Variants in KIAA1671 observed in about 807,000 individuals in gnomAD.
KIAA1671 encodes KIAA1671, also known as uncharacterized protein KIAA1671.
In KIAA1671, 52 loss-of-function variants were observed where a neutral mutation model predicts 131.2. The ratio of observed to expected loss-of-function variants is 0.40; its 90% CI spans 0.32 to 0.50. The LOEUF (loss-of-function observed/expected upper bound fraction) is 0.50. KIAA1671 is among the 20% of genes least tolerant of loss of function. The probability of loss-of-function intolerance (pLI) is 0.73; values close to 1 mark genes in which losing one functional copy is unlikely to be tolerated. For missense variants in KIAA1671, 2,360 were observed against 2,364.2 expected (o/e 1.00, Z 0.04); for synonymous variants, 1,003 against 961.6 (o/e 1.04, Z -0.80).
intron 5 of KIAA1671, among the ~76,000 whole-genome samples, chr22:25,046,403 C>CCTTCCTCTCTCCATCT (rs1927231510): frequency 9.9e-6 from 1 of 100,914 alleles, no homozygotes; most frequent in Non-Finnish European, 2.2e-5. Context: ...TAAAGTGATT[C>CCTTCCTCTCTCCATCT]CTTCCTCTCT....
intron 8 of KIAA1671, chr22:25,176,644 G>A (rs898206258): frequency 1.3e-5 from 2 of 152,348 alleles, no homozygotes; most frequent in Admixed American, 1.3e-4. Flanking sequence ...CCCCAGCTCT[G>A]AGCACTTCAC....
intron 6 of KIAA1671, among the ~76,000 whole-genome samples, chr22:25,091,631 C>T (rs568870188): frequency 1.1e-4 from 16 of 152,310 alleles, no homozygotes; most frequent in Admixed American, 8.5e-4. Flanking sequence ...GGCGGAACTG[C>T]GCTTGAAGAT....
chr22:25,007,016 T>C (rs1247009032), intron 1 of KIAA1671, among the ~76,000 whole-genome samples: 1 of 114,906 alleles, frequency 8.7e-6, no homozygotes, highest in Non-Finnish European at 1.9e-5. Flanking sequence ...CTGAAAGCTC[T>C]TCTTCTTGTG....
In KIAA1671 at chr22:24,971,530, G is replaced by A. The variant is rs555026146; in HGVS notation, c.-208+18758G>A. ...TGCCAGGTTGCCTTTAGTTTATGAT[G>A]CTCTGAGCCCTGTTTCTCTGTTTTA... is the stretch of plus-strand genomic sequence containing the variant. On this transcript the variant is annotated intron_variant, in intron 1 of 12. Transcript: ENST00000358431. Among the ~76,000 whole-genome samples, 4 of 152,208 alleles carry A rather than the reference G, an allele frequency of 2.6e-5. No homozygotes were observed. In the South Asian group the frequency reaches 8.3e-4, roughly 32 times the overall value.
intron 6 of KIAA1671, among the ~76,000 whole-genome samples, chr22:25,134,739 G>A (rs1568973805): frequency 6.6e-6 from 1 of 152,286 alleles, no homozygotes; most frequent in East Asian, 1.9e-4. Flanking sequence ...AGGCCTAGTG[G>A]TTTCAAGGCT....
At chr22:25,134,549 G>A (rs1367060637) in intron 6 of KIAA1671, among the ~76,000 whole-genome samples, 1 of 152,178 alleles carries the variant, frequency 6.6e-6, no homozygotes, top group African/African-American at 2.4e-5. Context: ...GTAGTTAAAT[G>A]TCTCTGACTT....
intron 6 of KIAA1671, among the ~76,000 whole-genome samples, chr22:25,074,765 T>A (rs1929018702): frequency 6.6e-6 from 1 of 152,170 alleles, no homozygotes; most frequent in Non-Finnish European, 1.5e-5. Context: ...CACAGTTTCT[T>A]TATCCATTCA....
intron 1 of KIAA1671, among the ~76,000 whole-genome samples, chr22:24,988,105 G>A (rs541499064): frequency 6.6e-5 from 10 of 152,062 alleles, no homozygotes; most frequent in East Asian, 1.9e-4. Context: ...GTGAAACCCC[G>A]TTTCTACTAA....
At chr22:25,046,722 C>T (rs1255123904) in intron 5 of KIAA1671, among the ~76,000 whole-genome samples, 1 of 151,732 alleles carries the variant, frequency 6.6e-6, no homozygotes, top group Non-Finnish European at 1.5e-5. Flanking sequence ...TTTATTTTTG[C>T]TTCACTTTTC....
intron 6 of KIAA1671, among the ~76,000 whole-genome samples, chr22:25,168,444 A>G (rs1287265587): frequency 2.0e-5 from 3 of 152,214 alleles, no homozygotes; most frequent in Non-Finnish European, 2.9e-5. Flanking sequence ...GAATCCCAGC[A>G]CTGCGGGAGG....
chr22:25,189,424 C>T lies in KIAA1671; in HGVS notation c.5343-1278C>T, dbSNP rs376059894. 7.2e-5 allele frequency among the ~76,000 whole-genome samples: 11 copies of T among 152,194 alleles called. No individual in the cohort carries two copies. In the East Asian group the frequency reaches 7.7e-4, roughly 11 times the overall value. ...TCCTGACCTCGTGATCCGCCCAGCTCGGCCTCCCAAAGTGCAGGGATTACG... is the reference window on the plus strand; with the variant it reads ...TCCTGACCTCGTGATCCGCCCAGCTTGGCCTCCCAAAGTGCAGGGATTACG... On this transcript the variant is annotated intron_variant, in intron 11 of 12. Coordinates refer to ENST00000358431, the MANE Select transcript of KIAA1671 (RefSeq NM_001145206.2).
At chr22:25,047,238 C>T (rs1927293908) in intron 5 of KIAA1671, among the ~76,000 whole-genome samples, 1 of 150,908 alleles carries the variant, frequency 6.6e-6, no homozygotes. Flanking sequence ...GCAACCTCCA[C>T]CTCCTGGATT....
chr22:25,038,178 T>G (rs1240615741), intron 4 of KIAA1671, among the ~76,000 whole-genome samples: 1 of 152,176 alleles, frequency 6.6e-6, no homozygotes, highest in Non-Finnish European at 1.5e-5. Flanking sequence ...TATTTTATTT[T>G]TTTGGTGTAG....
chr22:25,029,639 C>G, intron 3 of KIAA1671, 99 bp downstream of exon 3: 3 of 845,264 alleles, frequency 3.5e-6, no homozygotes, highest in Non-Finnish European at 5.3e-6. Context: ...CACCCCCCCT[C>G]AGTTTACCCA....
chr22:25,183,431 TCCC>T (rs1934358891), intron 10 of KIAA1671, among the ~76,000 whole-genome samples: 1 of 38,738 alleles, frequency 2.6e-5, no homozygotes, highest in Admixed American at 3.3e-4. Context: ...TTTCTTTCCC[TCCC>T]TCCCTCCCTC....
In KIAA1671 at chr22:25,041,428, G is replaced by A. The variant is rs1266987613; in HGVS notation, c.4298G>A (p.Arg1433Gln). 4.5e-6 allele frequency: 7 copies of A among 1,551,774 alleles called. No homozygotes were observed. Among genetic ancestry groups the A allele is most frequent in the African/African-American group, 1.4e-5 (1 of 73,166 alleles). The change falls in exon 5 of 13, where the codon CGA becomes CAA. Residue 1433 changes from arginine to glutamine, a missense_variant. Physicochemically the swap from Arg to Gln is conservative, Grantham distance 43. Transcript: ENST00000358431. ...ATGCATGAAGCCAGAGAGAGGAGGCGAGAGCAGCCCAAAGGGAGGCCCAGC... is the reference window on the plus strand; with the variant it reads ...ATGCATGAAGCCAGAGAGAGGAGGCAAGAGCAGCCCAAAGGGAGGCCCAGC... Reference protein sequence around the residue: ...SIMHEARERRREQPKGRPSLT... With the variant: ...SIMHEARERRQEQPKGRPSLT...
intron 1 of KIAA1671, among the ~76,000 whole-genome samples, chr22:24,953,663 C>A (rs1921541348): frequency 6.6e-6 from 1 of 151,936 alleles, no homozygotes; most frequent in Non-Finnish European, 1.5e-5. Context: ...CCCACCCGAG[C>A]CTGACCTTTT....
intron 1 of KIAA1671, among the ~76,000 whole-genome samples, chr22:24,974,685 CTTT>C (rs34171375): frequency 2.5e-5 from 2 of 81,258 alleles, no homozygotes; most frequent in African/African-American, 5.4e-5. Context: ...CAGCTCACCT[CTTT>C]TTTTTTTTTT....
intron 6 of KIAA1671, among the ~76,000 whole-genome samples, chr22:25,123,625 T>TG (rs2145932459): frequency 6.6e-6 from 1 of 152,252 alleles, no homozygotes; most frequent in East Asian, 1.9e-4. Flanking sequence ...GGTGAGGAAC[T>TG]GAAGCCTCCA....
Sources: gnomAD v4.1 joint callset for allele counts (sites outside exome capture counted in the v4.1 genomes callset) on GRCh38, gnomAD v4.1.1 for gene constraint, MANE v1.5 for transcripts, NCBI Gene and HGNC (gene_info 2026-07-23, HGNC 2026-07-21) for gene names.